The following CCBE1 variants were observed in gnomAD, a reference collection of about 807,000 sequenced individuals.
The protein encoded by CCBE1 is collagen and calcium-binding EGF domain-containing protein 1.
CCBE1 carries 37 observed loss-of-function variants against 50.0 expected under a neutral mutation model. The observed-to-expected ratio is 0.74, with a 90% CI of 0.57 to 0.97. CCBE1 has a LOEUF of 0.97. Among genes scored for constraint, CCBE1 ranks in the 50% least tolerant of loss-of-function variants. The pLI is 0.00. For synonymous variants in CCBE1, 234 were observed against 203.7 expected, an observed-to-expected ratio of 1.15 and a Z score of -1.27; for missense variants, 538 against 523.8, an observed-to-expected ratio of 1.03 and a Z score of -0.26.
Position 59,463,811 on chromosome 18 carries a change from A to G in CCBE1, c.553+2928T>C, listed in dbSNP as rs925729866. On this transcript the variant is annotated intron_variant, in intron 5 of 10. Coordinates refer to ENST00000439986, the MANE Select transcript of CCBE1 (RefSeq NM_133459.4). ...TTGCTGGAGGCTGCCCTTCATGAGC[A>G]TATAAGTGGGATTTCACCTGTAGAT... 2.0e-5 allele frequency among the ~76,000 whole-genome samples: 3 copies of G among 152,352 alleles called. No individual in the cohort carries two copies. In the East Asian group the frequency reaches 5.8e-4, roughly 29 times the overall value.
chr18:59,669,322 C>T lies in CCBE1; in HGVS notation c.212+27307G>A, dbSNP rs187638895. Among the ~76,000 whole-genome samples the T allele has an allele frequency of 5.6e-4, 86 of 152,294 alleles. No individual in the cohort carries two copies. In the East Asian group the frequency reaches 6.9e-3, roughly 12 times the overall value. On this transcript the variant is annotated intron_variant, in intron 2 of 10. Transcript: ENST00000439986. ...ACAAGGCTCCATGCTAGCTATGCCC[C>T]GCTACAGGCTGATACTGCCTGTGTC...
chr18:59,487,877 A>C (rs370697174), intron 2 of CCBE1, among the ~76,000 whole-genome samples: 6 of 152,356 alleles, frequency 3.9e-5, no homozygotes, highest in African/African-American at 1.4e-4. Context: ...GCAGGGACTC[A>C]AACAGATATT....
At chr18:59,526,383 C>T (rs371982274) in intron 2 of CCBE1, among the ~76,000 whole-genome samples, 23 of 150,640 alleles carry the variant, frequency 1.5e-4, no homozygotes, top group African/African-American at 5.4e-4. Context: ...CATCTCGGCT[C>T]ACTGCAACCT....
chr18:59,679,365 ATTGAG>A (rs1380409209), intron 2 of CCBE1, among the ~76,000 whole-genome samples: 1 of 152,250 alleles, frequency 6.6e-6, no homozygotes, highest in Non-Finnish European at 1.5e-5. Context: ...TAATATTTAT[ATTGAG>A]TTGTTTTTCT....
At chr18:59,591,457 TAATATGTA>T (rs1217288036) in intron 2 of CCBE1, among the ~76,000 whole-genome samples, 1 of 152,136 alleles carries the variant, frequency 6.6e-6, no homozygotes, top group Non-Finnish European at 1.5e-5. Flanking sequence ...CTGATATCCC[TAATATGTA>T]TTAATAATTA....
At chr18:59,592,068 A>T (rs9949805) in intron 2 of CCBE1, among the ~76,000 whole-genome samples, 2,721 of 152,198 alleles carry the variant, frequency 0.018, 64 homozygotes, top group African/African-American at 0.062. Flanking sequence ...TACCAACAAC[A>T]TTATATGAAG....
intron 1 of CCBE1, 147 bp downstream of exon 1, chr18:59,697,065 G>A: frequency 8.7e-7 from 1 of 1,148,190 alleles, no homozygotes; most frequent in South Asian, 1.5e-5. Context: ...GTGTCGCCCA[G>A]GACAGCTGAG....
intron 2 of CCBE1, among the ~76,000 whole-genome samples, chr18:59,506,343 G>C (rs1391837408): frequency 6.6e-6 from 1 of 152,198 alleles, no homozygotes; most frequent in African/African-American, 2.4e-5. Flanking sequence ...AGGATACCTA[G>C]GTTTCAGATT....
intron 2 of CCBE1, among the ~76,000 whole-genome samples, chr18:59,592,271 G>A (rs938286925): frequency 6.6e-6 from 1 of 152,164 alleles, no homozygotes; most frequent in Admixed American, 6.5e-5. Flanking sequence ...CAGGCTATGT[G>A]TATAAGGTAT....
At position 59,436,051 on chromosome 18, in the gene CCBE1, G is replaced by A. The variant is rs774370811; in HGVS notation, c.1078C>T (p.Arg360Trp). The change falls in exon 11 of 11, where the codon CGG (arginine) becomes TGG (tryptophan). Residue 360 changes from arginine to tryptophan, a missense_variant. Transcript: ENST00000439986. The part of the protein sequence containing the change: ...TELQEKVFGH[R>W]THSSAEEFPL... ...AACTCCTCTGCTGAAGAGTGAGTCCGGTGCCCGAACACCTTTTCCTGCAGC... is the reference window on the plus strand; with the variant it reads ...AACTCCTCTGCTGAAGAGTGAGTCCAGTGCCCGAACACCTTTTCCTGCAGC... 21 of 1,614,032 alleles carry A rather than the reference G, an allele frequency of 1.3e-5. No individual in the cohort carries two copies. Among genetic ancestry groups the A allele is most frequent in the East Asian group, 2.2e-5 (1 of 44,894 alleles).
In CCBE1 at chr18:59,435,831, T is replaced by C; in HGVS notation, c.*77A>G. ...TGTATGTTTTCTAGGTCTCCAGTGG[T>C]CTTTCTTCTCTTTAGATGGTTTAAC... On this transcript the variant is annotated 3_prime_UTR_variant, in exon 11 of 11. Coordinates refer to ENST00000439986, the MANE Select transcript of CCBE1 (RefSeq NM_133459.4). 7.9e-7 allele frequency: 1 copy of C among 1,265,290 alleles called. No homozygotes were observed. The highest frequency in any genetic ancestry group is 1.2e-6 in the Non-Finnish European group (1 of 861,960). 78.4% of individuals were successfully genotyped at this position (1,265,290 alleles called of 1,614,324 possible).
At chr18:59,489,174 G>C (rs1053829202) in intron 2 of CCBE1, among the ~76,000 whole-genome samples, 1 of 152,220 alleles carries the variant, frequency 6.6e-6, no homozygotes, top group African/African-American at 2.4e-5. Flanking sequence ...GCATATGATT[G>C]GTTCTCTGTT....
At chr18:59,629,659 C>T (rs775931965) in intron 2 of CCBE1, among the ~76,000 whole-genome samples, 1 of 152,164 alleles carries the variant, frequency 6.6e-6, no homozygotes, top group Admixed American at 6.5e-5. Context: ...TTGCTTTTTG[C>T]TAACAGAGAA....
Position 59,693,452 on chromosome 18 carries a change from C to A in CCBE1, c.212+3177G>T, listed in dbSNP as rs568567063. Among the ~76,000 whole-genome samples, 123 of 152,104 alleles carry A rather than the reference C, an allele frequency of 8.1e-4. 1 individual carries two copies. Among genetic ancestry groups the A allele is most frequent in the African/African-American group, 2.8e-3 (118 of 41,484 alleles). ...GGCTTAACTGTACACCAACTTGAGACCAGTTGACAAAAAGTGAACACTTTA... is the reference window on the plus strand; with the variant it reads ...GGCTTAACTGTACACCAACTTGAGAACAGTTGACAAAAAGTGAACACTTTA... On this transcript the variant is annotated intron_variant, in intron 2 of 10. Coordinates refer to ENST00000439986, the MANE Select transcript of CCBE1 (RefSeq NM_133459.4).
chr18:59,648,634 G>A (rs1347859004), intron 2 of CCBE1, among the ~76,000 whole-genome samples: 5 of 152,170 alleles, frequency 3.3e-5, no homozygotes, highest in Admixed American at 6.5e-5. Context: ...CCCAGGAGGC[G>A]GAGGTTGCAG....
At chr18:59,521,747 A>ATGTTACAGGAAACC (rs71177035) in intron 2 of CCBE1, among the ~76,000 whole-genome samples, 40,665 of 152,148 alleles carry the variant, frequency 0.27, 7,353 homozygotes, top group African/African-American at 0.51. Flanking sequence ...CATGAAAAAA[A>ATGTTACAGGAAACC]TGCAGGCTGT....
chr18:59,551,921 G>T (rs1055183742), intron 2 of CCBE1, among the ~76,000 whole-genome samples: 8 of 152,176 alleles, frequency 5.3e-5, no homozygotes, highest in Non-Finnish European at 1.2e-4. Flanking sequence ...CCAAAACTCA[G>T]TGGCTGAAAA....
chr18:59,635,718 A>G (rs1443865713), intron 2 of CCBE1, among the ~76,000 whole-genome samples: 3 of 152,124 alleles, frequency 2.0e-5, no homozygotes, highest in African/African-American at 7.2e-5. Context: ...AAAACTGTAC[A>G]GGAAGAGTAT....
intron 2 of CCBE1, among the ~76,000 whole-genome samples, chr18:59,644,799 A>G (rs187253864): frequency 2.2e-4 from 33 of 152,330 alleles, no homozygotes; most frequent in African/African-American, 7.7e-4. Flanking sequence ...CCCATAAAAA[A>G]TCCTTGCCAA....
Sources: allele counts gnomAD v4.1 joint callset (sites outside exome capture counted in the v4.1 genomes callset), GRCh38; gene constraint gnomAD v4.1.1; transcripts MANE v1.5; gene names NCBI Gene and HGNC (gene_info 2026-07-23, HGNC 2026-07-21).